The following NAALADL2 variants were observed in gnomAD, a reference collection of about 807,000 sequenced individuals.
NAALADL2 encodes inactive N-acetylated-alpha-linked acidic dipeptidase-like protein 2.
Under a neutral mutation model 87.2 loss-of-function variants are expected in NAALADL2, and 76 were observed. That is an observed-to-expected ratio of 0.87 (90% CI 0.72 to 1.05). NAALADL2 has a LOEUF of 1.05. NAALADL2 is among the 50% of genes least tolerant of loss of function. NAALADL2 has a pLI of 0.00. For missense variants in NAALADL2, 1,089 were observed against 945.8 expected, an observed-to-expected ratio of 1.15 and a Z score of -1.99; for synonymous variants, 354 against 331.0, an observed-to-expected ratio of 1.07 and a Z score of -0.75.
intron 1 of NAALADL2, among the ~76,000 whole-genome samples, chr3:174,879,035 TAGCTTTTCCAGTACAGG>T (rs367626131): frequency 0.12 from 17,819 of 152,100 alleles, 1,155 homozygotes; most frequent in Middle Eastern, 0.15. Flanking sequence ...AAAAAATTTA[TAGCTTTTCCAGTACAGG>T]ACAAGCCAAA....
intron 1 of NAALADL2, among the ~76,000 whole-genome samples, chr3:174,934,601 C>T (rs28514710): frequency 6.6e-6 from 1 of 151,816 alleles, no homozygotes; most frequent in Non-Finnish European, 1.5e-5. Context: ...TGCTTTAGCT[C>T]GGGAGTTTGA....
intron 2 of NAALADL2, among the ~76,000 whole-genome samples, chr3:175,215,963 C>A (rs150609183): frequency 1.5e-3 from 233 of 152,244 alleles, no homozygotes; most frequent in African/African-American, 5.0e-3. Context: ...AGAATGATTT[C>A]TTTTCTATTA....
intron 11 of NAALADL2, chr3:175,676,423 A>T (rs912374623): frequency 3.3e-5 from 5 of 152,178 alleles, no homozygotes; most frequent in African/African-American, 1.2e-4. Flanking sequence ...GTCATATCCC[A>T]TCCACTTGGA....
chr3:175,040,513 C>T (rs1031633167), intron 1 of NAALADL2, among the ~76,000 whole-genome samples: 23 of 152,124 alleles, frequency 1.5e-4, no homozygotes, highest in Non-Finnish European at 3.2e-4. Flanking sequence ...GGGACAAATG[C>T]TCCAGACTAA....
At chr3:174,555,541 C>G (rs532244621) in intron 2 of NAALADL2, among the ~76,000 whole-genome samples, 4 of 152,160 alleles carry the variant, frequency 2.6e-5, no homozygotes, top group African/African-American at 4.8e-5. Flanking sequence ...CTCTGGTGGT[C>G]CGCCGGCCTT....
chr3:174,774,754 T>C (rs1182185457), intron 3 of NAALADL2, among the ~76,000 whole-genome samples: 1 of 152,194 alleles, frequency 6.6e-6, no homozygotes, highest in African/African-American at 2.4e-5. Context: ...ATACAGTAGA[T>C]TCTGAACATC....
At chr3:175,360,493 A>T (rs1226587733) in intron 5 of NAALADL2, among the ~76,000 whole-genome samples, 2 of 151,618 alleles carry the variant, frequency 1.3e-5, no homozygotes, top group African/African-American at 4.8e-5. Context: ...ATTCCCCTTC[A>T]TGTTGGTGTC....
Position 175,097,075 on chromosome 3 carries a change from A to G in NAALADL2, c.329A>G (p.Tyr110Cys), listed in dbSNP as rs1415211446. 2 of 1,613,790 alleles carry G rather than the reference A, an allele frequency of 1.2e-6. No homozygotes were observed. Among genetic ancestry groups the G allele is most frequent in the South Asian group, 1.1e-5 (1 of 91,082 alleles). Residue 110 changes from tyrosine (Y) to cysteine (C), a missense_variant, in exon 2 of 14, where the codon TAT (tyrosine) becomes TGT (cysteine). Tyr to Cys is a radical substitution (Grantham distance 194). Transcript: ENST00000454872. Reference sequence around the variant, plus strand: ...GAAGAATCTGACTACATTACCCATTATACACGATCTGCACCAAAGAGCAAT... The same window carrying G: ...GAAGAATCTGACTACATTACCCATTGTACACGATCTGCACCAAAGAGCAAT... ...LQEESDYITH[Y>C]TRSAPKSNRC...
intron 13 of NAALADL2, among the ~76,000 whole-genome samples, chr3:175,781,033 T>TTTTAC (rs1361322660): frequency 6.6e-6 from 1 of 152,166 alleles, no homozygotes; most frequent in Non-Finnish European, 1.5e-5. Context: ...TGAGTAATAT[T>TTTTAC]TTTACTTTGA....
chr3:175,669,135 A>T (rs1407090051), intron 11 of NAALADL2, among the ~76,000 whole-genome samples: 1 of 152,120 alleles, frequency 6.6e-6, no homozygotes, highest in Admixed American at 6.6e-5. Context: ...TACTATTCTA[A>T]TTTCCTAAAG....
At chr3:175,091,163 A>G (rs962177880) in intron 1 of NAALADL2, among the ~76,000 whole-genome samples, 2 of 152,124 alleles carry the variant, frequency 1.3e-5, no homozygotes. Flanking sequence ...ATTTATGTCA[A>G]ATGATTTTGC....
At chr3:174,455,095 T>C (rs1715746124) in intron 1 of NAALADL2, among the ~76,000 whole-genome samples, 1 of 152,014 alleles carries the variant, frequency 6.6e-6, no homozygotes, top group African/African-American at 2.4e-5. Flanking sequence ...GAGAATATTT[T>C]GAACACCTCT....
At chr3:175,044,986 TGATATTTCAGATGTTTATATA>T (rs1754502277) in intron 1 of NAALADL2, among the ~76,000 whole-genome samples, 1 of 152,032 alleles carries the variant, frequency 6.6e-6, no homozygotes, top group Admixed American at 6.6e-5. Context: ...CATAATAGGA[TGATATTTCAGATGTTTATATA>T]TGTTTATCAG....
At chr3:175,734,911 T>C (rs902268888) in intron 11 of NAALADL2, among the ~76,000 whole-genome samples, 2 of 152,276 alleles carry the variant, frequency 1.3e-5, no homozygotes, top group South Asian at 2.1e-4. Context: ...GCTCCTTTTT[T>C]ACTTAGGCAA....
chr3:174,937,424 C>A (rs189199655), intron 1 of NAALADL2, among the ~76,000 whole-genome samples: 10 of 152,016 alleles, frequency 6.6e-5, no homozygotes, highest in African/African-American at 2.4e-4. Flanking sequence ...AGCTCTCAGG[C>A]TAAGATTTAA....
At chr3:175,607,927 A>ACACACACGCACG (rs1295138292) in intron 10 of NAALADL2, among the ~76,000 whole-genome samples, 2 of 151,502 alleles carry the variant, frequency 1.3e-5, no homozygotes, top group African/African-American at 2.4e-5. Flanking sequence ...ACACACGCAC[A>ACACACACGCACG]CACACATCAT....
chr3:174,898,127 A>AAAAAG (rs1560338763), intron 1 of NAALADL2, among the ~76,000 whole-genome samples: 3 of 131,522 alleles, frequency 2.3e-5, no homozygotes, highest in African/African-American at 7.3e-5. Flanking sequence ...AAAAAAAAAA[A>AAAAAG]AAAAAAAAAA....
chr3:174,625,947 T>C (rs1325155352), intron 2 of NAALADL2, among the ~76,000 whole-genome samples: 1 of 152,134 alleles, frequency 6.6e-6, no homozygotes, highest in Non-Finnish European at 1.5e-5. Context: ...TTAAGTCATT[T>C]TATCATTTAT....
intron 3 of NAALADL2, among the ~76,000 whole-genome samples, chr3:174,813,723 A>G (rs1720472645): frequency 6.7e-6 from 1 of 148,546 alleles, no homozygotes; most frequent in Non-Finnish European, 1.5e-5. Context: ...ACTATTTACA[A>G]GCACGATCAT....
Sources: allele counts gnomAD v4.1 joint callset (sites outside exome capture counted in the v4.1 genomes callset), GRCh38; gene constraint gnomAD v4.1.1; transcripts MANE v1.5; gene names NCBI Gene and HGNC (gene_info 2026-07-23, HGNC 2026-07-21).